SCMH1: variants seen among roughly 807,000 people sequenced by gnomAD.
SCMH1 encodes Scm polycomb group protein homolog 1.
SCMH1 carries 37 observed loss-of-function variants against 70.8 expected under a neutral mutation model. The observed-to-expected ratio is 0.52, with a 90% CI of 0.40 to 0.69. SCMH1 has a LOEUF of 0.69. SCMH1 is among the 30% of genes least tolerant of loss of function. The probability of loss-of-function intolerance (pLI) is 0.00; values close to 1 mark genes in which losing one functional copy is unlikely to be tolerated. For synonymous variants in SCMH1, 292 were observed against 307.4 expected, an observed-to-expected ratio of 0.95 and a Z score of 0.52; for missense variants, 607 against 827.3, an observed-to-expected ratio of 0.73 and a Z score of 3.27.
chr1:41,235,662 T>G (rs1337576443), intron 1 of SCMH1, among the ~76,000 whole-genome samples: 1 of 151,704 alleles, frequency 6.6e-6, no homozygotes, highest in Non-Finnish European at 1.5e-5. Flanking sequence ...CACAACTCAG[T>G]TGAAAAATAT....
At chr1:41,114,183 G>C (rs1669889997) in intron 7 of SCMH1, among the ~76,000 whole-genome samples, 1 of 152,126 alleles carries the variant, frequency 6.6e-6, no homozygotes, top group African/African-American at 2.4e-5. Flanking sequence ...TAGAATTCCT[G>C]AATTCCTGGG....
rs60864340 is a variant in SCMH1, at chr1:41,053,119, T to TGTTGGTCAGGC, written c.1106-4230_1106-4229insGCCTGACCAAC. Among the ~76,000 whole-genome samples, 57 of 121,562 alleles carry TGTTGGTCAGGC rather than the reference T, an allele frequency of 4.7e-4. 1 individual carries two copies. Among genetic ancestry groups the TGTTGGTCAGGC allele is most frequent in the East Asian group, 1.2e-3 (5 of 4,044 alleles). The allele number at this position is 121,562 out of a possible 152,430, so 79.7% of individuals were successfully genotyped here. On this transcript the variant is annotated intron_variant, in intron 10 of 14. Transcript: ENST00000337495. Reference sequence around the variant, plus strand: ...TTTTAGTAGAGATGGGGTTTCACCATTGATCTGCCCGCCTCAGCCTCCCAA... The same window carrying TGTTGGTCAGGC: ...TTTTAGTAGAGATGGGGTTTCACCATGTTGGTCAGGCTGATCTGCCCGCCTCAGCCTCCCAA...
intron 1 of SCMH1, among the ~76,000 whole-genome samples, chr1:41,241,000 G>A (rs765770316): frequency 6.6e-5 from 10 of 152,164 alleles, no homozygotes; most frequent in Non-Finnish European, 1.3e-4. Context: ...CAGGGGACAT[G>A]ATTACTATCT....
At chr1:41,070,092 T>C (rs781692630) in intron 10 of SCMH1, among the ~76,000 whole-genome samples, 1 of 152,196 alleles carries the variant, frequency 6.6e-6, no homozygotes, top group African/African-American at 2.4e-5. Flanking sequence ...GTTACTGTCA[T>C]AGACAGTTTA....
In SCMH1 at chr1:41,120,792, A is replaced by G. The variant is rs138670698; in HGVS notation, c.413-3782T>C. On this transcript the variant is annotated intron_variant, in intron 6 of 14. Transcript: ENST00000337495. Reference sequence around the variant, plus strand: ...TCCAGAGAGGCTAAGAAACTTGTTCATGGTCACACAAGCCAATCTTACACT... The same window carrying G: ...TCCAGAGAGGCTAAGAAACTTGTTCGTGGTCACACAAGCCAATCTTACACT... Among the ~76,000 whole-genome samples, 45 of 152,336 alleles carry G rather than the reference A, an allele frequency of 3.0e-4. No individual in the cohort carries two copies. The East Asian group carries it at 8.5e-3, about 29-fold the overall frequency.
At chr1:41,232,938 C>T (rs970171624) in intron 1 of SCMH1, among the ~76,000 whole-genome samples, 1 of 152,170 alleles carries the variant, frequency 6.6e-6, no homozygotes, top group Non-Finnish European at 1.5e-5. Flanking sequence ...TATGTGGCAG[C>T]CCCTCAAATG....
intron 4 of SCMH1, 128 bp from the exon 5 acceptor site, chr1:41,151,812 T>C: frequency 1.9e-6 from 1 of 537,790 alleles, no homozygotes; most frequent in Non-Finnish European, 3.3e-6. Context: ...ATTTTTTTCC[T>C]GTTTGAGCTC....
intron 13 of SCMH1, among the ~76,000 whole-genome samples, chr1:41,032,629 A>G (rs1323763265): frequency 6.6e-6 from 1 of 152,014 alleles, no homozygotes; most frequent in Non-Finnish European, 1.5e-5. Flanking sequence ...AAGAAGGATC[A>G]CTCTCATTGT....
rs180723200 is a variant in SCMH1, at chr1:41,075,700, G to A, written c.746-249C>T. ...AAATTTTTCTTCCTAAGGCACCTTAGACAAATATTGTGACCTAAGTCAAAG... is the reference window on the plus strand; with the variant it reads ...AAATTTTTCTTCCTAAGGCACCTTAAACAAATATTGTGACCTAAGTCAAAG... On this transcript the variant is annotated intron_variant, in intron 8 of 14. Coordinates refer to ENST00000337495, the Ensembl canonical transcript of SCMH1. Among the ~76,000 whole-genome samples, 3 of 152,272 alleles carry A rather than the reference G, an allele frequency of 2.0e-5. No homozygotes were observed. The East Asian group carries it at 5.8e-4, about 29-fold the overall frequency.
intron 8 of SCMH1, among the ~76,000 whole-genome samples, chr1:41,092,051 G>A (rs1230516230): frequency 1.3e-5 from 2 of 152,186 alleles, no homozygotes; most frequent in African/African-American, 4.8e-5. Context: ...CCAAAAAAGA[G>A]CCCGCATTGC....
Position 41,160,777 on chromosome 1 carries a change from C to T in SCMH1, c.106+98G>A, listed in dbSNP as rs977761436. The T allele has an allele frequency of 9.1e-6, 10 of 1,102,186 alleles. No individual in the cohort carries two copies. In the Admixed American group the frequency reaches 1.0e-4, roughly 11 times the overall value. 68.3% of individuals were successfully genotyped at this position (1,102,186 alleles called of 1,614,324 possible). On this transcript the variant is annotated intron_variant, in intron 4 of 14. Coordinates refer to ENST00000337495, the Ensembl canonical transcript of SCMH1. ...TTCACTGGTTTCTGAGACAGAGACA[C>T]GTGGAATTCTTTTCCTCGTTGGTTA...
chr1:41,057,026 A>T (rs1403181867), intron 10 of SCMH1, among the ~76,000 whole-genome samples: 1 of 152,190 alleles, frequency 6.6e-6, no homozygotes, highest in Non-Finnish European at 1.5e-5. Context: ...GAAGAGGAGA[A>T]ATAACCAACT....
chr1:41,067,688 G>A (rs1305807605), intron 10 of SCMH1, among the ~76,000 whole-genome samples: 1 of 152,060 alleles, frequency 6.6e-6, no homozygotes, highest in African/African-American at 2.4e-5. Flanking sequence ...AGGGTTTTTA[G>A]GGCAGTGAAA....
chr1:41,173,260 C>G (rs559536543), intron 2 of SCMH1, among the ~76,000 whole-genome samples: 2 of 151,956 alleles, frequency 1.3e-5, no homozygotes, highest in African/African-American at 4.8e-5. Context: ...AAAACTCCCC[C>G]CCAAAACACA....
chr1:41,219,137 G>T (rs12563174), intron 1 of SCMH1, among the ~76,000 whole-genome samples: 12,571 of 152,234 alleles, frequency 0.083, 704 homozygotes, highest in South Asian at 0.15. Context: ...GCTCAATGCT[G>T]CTTCCTAATT....
intron 6 of SCMH1, among the ~76,000 whole-genome samples, chr1:41,124,063 T>C (rs901768080): frequency 6.6e-6 from 1 of 152,050 alleles, no homozygotes; most frequent in Non-Finnish European, 1.5e-5. Context: ...TAATTTTATT[T>C]TTTTAATTTT....
chr1:41,099,642 GA>G, intron 8 of SCMH1, among the ~76,000 whole-genome samples: 1 of 152,204 alleles, frequency 6.6e-6, no homozygotes, highest in African/African-American at 2.4e-5. Context: ...GGGTTATTAT[GA>G]AGTTTAGCTG....
At chr1:41,189,441 T>C (rs1976404) in intron 1 of SCMH1, among the ~76,000 whole-genome samples, 99,576 of 152,172 alleles carry the variant, frequency 0.65, 33,808 homozygotes, top group Middle Eastern at 0.76. Flanking sequence ...CACGAGCCAC[T>C]GCGCCCAGCC....
intron 8 of SCMH1, among the ~76,000 whole-genome samples, chr1:41,093,382 G>GA (rs1309445022): frequency 1.8e-5 from 2 of 113,678 alleles, no homozygotes; most frequent in African/African-American, 6.7e-5. Flanking sequence ...GGGGTGGGGG[G>GA]AGGGGGGAGG....
Sources: gnomAD v4.1 joint callset for allele counts (sites outside exome capture counted in the v4.1 genomes callset) on GRCh38, gnomAD v4.1.1 for gene constraint, MANE v1.5 for transcripts, NCBI Gene and HGNC (gene_info 2026-07-23, HGNC 2026-07-21) for gene names.